WWOX: variants seen among roughly 807,000 people sequenced by gnomAD.
WWOX encodes the protein WW domain-containing oxidoreductase.
Under a neutral mutation model 46.2 loss-of-function variants are expected in WWOX, and 69 were observed. The observed-to-expected ratio is 1.49, with a 90% CI of 1.23 to 1.82. The LOEUF (loss-of-function observed/expected upper bound fraction) is 1.82, where lower values mean the gene tolerates loss of function less well. Ranked by LOEUF, WWOX falls within the 40% of genes most tolerant of loss-of-function variation. The probability of loss-of-function intolerance (pLI) is 0.00; values close to 1 mark genes in which losing one functional copy is unlikely to be tolerated. For synonymous variants in WWOX, 359 were observed against 202.6 expected (o/e 1.77, Z -6.56); for missense variants, 919 against 542.6 (o/e 1.69, Z -6.89).
rs148826160 is a variant in WWOX at position 78,541,082 on chromosome 16, C to T, written c.1056+108330C>T. Among the ~76,000 whole-genome samples the T allele has an allele frequency of 5.9e-4, 90 of 152,184 alleles. 1 individual carries two copies. The East Asian group carries it at 0.016, about 28-fold the overall frequency. On this transcript the variant is annotated intron_variant, in intron 8 of 8. Transcript: ENST00000566780. ...TTTTTAAAAGGCTTTTGAGAATATTCGGAGAACCTAATATATTTTGAGACC... is the reference window on the plus strand; with the variant it reads ...TTTTTAAAAGGCTTTTGAGAATATTTGGAGAACCTAATATATTTTGAGACC...
In WWOX at chr16:78,700,722, G is replaced by C. The variant is rs185561195; in HGVS notation, c.1056+267970G>C. Among the ~76,000 whole-genome samples, 869 of 152,238 alleles carry C rather than the reference G, an allele frequency of 5.7e-3. 4 individuals are homozygous for C. The highest frequency in any genetic ancestry group is 0.01 in the Non-Finnish European group (695 of 68,006). On this transcript the variant is annotated intron_variant, in intron 8 of 8. Transcript: ENST00000566780. The stretch of plus-strand genomic sequence containing the variant: ...GAGCCTGTGGCCACCTCATAGTCTT[G>C]TTGGCCACAGCCTCTAGAACCAGGG...
chr16:78,997,401 G>T (rs910956316), intron 8 of WWOX, among the ~76,000 whole-genome samples: 1 of 152,092 alleles, frequency 6.6e-6, no homozygotes, highest in Non-Finnish European at 1.5e-5. Flanking sequence ...ACGGTGACAC[G>T]CAAAAGAATT....
chr16:78,181,957 C>G (rs545978506), intron 5 of WWOX, among the ~76,000 whole-genome samples: 1 of 152,110 alleles, frequency 6.6e-6, no homozygotes, highest in South Asian at 2.1e-4. Flanking sequence ...TTAGCCTCCG[C>G]GAGTTCCTTT....
At chr16:78,847,531 G>C (rs1039034775) in intron 8 of WWOX, among the ~76,000 whole-genome samples, 1 of 151,886 alleles carries the variant, frequency 6.6e-6, no homozygotes, top group African/African-American at 2.4e-5. Flanking sequence ...GCAGGGTCTT[G>C]CTATGTTGCC....
intron 8 of WWOX, among the ~76,000 whole-genome samples, chr16:79,129,902 G>C (rs1178551461): frequency 6.6e-6 from 1 of 152,120 alleles, no homozygotes; most frequent in African/African-American, 2.4e-5. Context: ...TGTAAGCGTC[G>C]CTGTTCACTG....
chr16:78,984,964 T>G (rs1314870763), intron 8 of WWOX, among the ~76,000 whole-genome samples: 1 of 152,052 alleles, frequency 6.6e-6, no homozygotes, highest in African/African-American at 2.4e-5. Context: ...TAAGAGGATA[T>G]GGACAGATAC....
intron 8 of WWOX, among the ~76,000 whole-genome samples, chr16:79,164,482 AGGGATGGG>A (rs145209531): frequency 0.026 from 4,008 of 152,138 alleles, 202 homozygotes; most frequent in African/African-American, 0.092. Flanking sequence ...TCATTCAGGC[AGGGATGGG>A]GGGATGGGGG....
In WWOX at chr16:78,904,240, T is replaced by C. The variant is rs1017186751; in HGVS notation, c.1057-307368T>C. On this transcript the variant is annotated intron_variant, in intron 8 of 8. Transcript: ENST00000566780. ...TAGATGATCTTATAAATGCCTTTTTTTTTTTTTTTTTTTTTTTTAGTCGGA... is the reference window on the plus strand; with the variant it reads ...TAGATGATCTTATAAATGCCTTTTTCTTTTTTTTTTTTTTTTTTAGTCGGA... 5.5e-5 allele frequency among the ~76,000 whole-genome samples: 8 copies of C among 144,464 alleles called. No individual in the cohort carries two copies. The East Asian group carries it at 1.6e-3, about 29-fold the overall frequency. 94.8% of individuals were successfully genotyped at this position (144,464 alleles called of 152,430 possible).
chr16:78,802,915 GA>G (rs71376394), intron 8 of WWOX, among the ~76,000 whole-genome samples: 16 of 10,450 alleles, frequency 1.5e-3, no homozygotes, highest in East Asian at 0.01. Context: ...GACTTCATCT[GA>G]AAAAAAAAAA....
chr16:78,795,217 A>C lies in WWOX; in HGVS notation c.1056+362465A>C, dbSNP rs144502656. Among the ~76,000 whole-genome samples, 1,418 of 152,304 alleles carry C rather than the reference A, an allele frequency of 9.3e-3. 9 individuals carry two copies. Among genetic ancestry groups the C allele is most frequent in the South Asian group, 0.018 (88 of 4,820 alleles). On this transcript the variant is annotated intron_variant, in intron 8 of 8. Coordinates refer to ENST00000566780, the MANE Select transcript of WWOX (RefSeq NM_016373.4). ...CTAAGTGCTTTGCGGGCATTATGTT[A>C]TTCACACTTCACAGATATTCTCTTT...
chr16:78,499,016 G>A (rs150245998), intron 8 of WWOX, among the ~76,000 whole-genome samples: 4 of 152,312 alleles, frequency 2.6e-5, no homozygotes, highest in East Asian at 3.9e-4. Context: ...AGTACACGAG[G>A]TTTCTTAATA....
intron 8 of WWOX, among the ~76,000 whole-genome samples, chr16:78,986,705 C>A (rs1306960019): frequency 6.6e-6 from 1 of 152,108 alleles, no homozygotes; most frequent in African/African-American, 2.4e-5. Context: ...AGGCTGTTAC[C>A]AATTGACCAG....
chr16:78,332,544 C>T (rs1597494538), intron 5 of WWOX, among the ~76,000 whole-genome samples: 1 of 152,142 alleles, frequency 6.6e-6, no homozygotes, highest in African/African-American at 2.4e-5. Flanking sequence ...TCCATTTGCT[C>T]AAGAACAAAC....
At chr16:78,715,696 C>G (rs565318491) in intron 8 of WWOX, among the ~76,000 whole-genome samples, 3 of 152,218 alleles carry the variant, frequency 2.0e-5, no homozygotes, top group Non-Finnish European at 2.9e-5. Context: ...AGGCTGGTCT[C>G]GAACTCCTGA....
At chr16:78,483,443 A>G (rs1353192996) in intron 8 of WWOX, among the ~76,000 whole-genome samples, 1 of 95,352 alleles carries the variant, frequency 1.0e-5, no homozygotes, top group Non-Finnish European at 2.1e-5. Context: ...TTTTTTTGGT[A>G]GTTTCTTAAT....
intron 8 of WWOX, among the ~76,000 whole-genome samples, chr16:78,792,352 C>T (rs1027733903): frequency 1.3e-5 from 2 of 152,092 alleles, no homozygotes; most frequent in Non-Finnish European, 2.9e-5. Context: ...GTATCCTTTT[C>T]ATGGTTAAAG....
chr16:79,160,650 C>G (rs1238571251), intron 8 of WWOX, among the ~76,000 whole-genome samples: 1 of 152,068 alleles, frequency 6.6e-6, no homozygotes, highest in African/African-American at 2.4e-5. Context: ...AGATCTGCAG[C>G]CCACACTCGG....
rs114757033 is a variant in WWOX, at chr16:78,164,127, A to T, written c.410-56A>T. 3.2e-3 allele frequency: 4,780 copies of T among 1,515,672 alleles called. 148 individuals are homozygous for T. In the African/African-American group the frequency reaches 0.06, roughly 19 times the overall value. The allele number at this position is 1,515,672 out of a possible 1,614,324, so 93.9% of individuals were successfully genotyped here. On this transcript the variant is annotated intron_variant, in intron 4 of 8. Coordinates refer to ENST00000566780, the MANE Select transcript of WWOX (RefSeq NM_016373.4). ...GGTGCTCCGGTAAAGGCCATTCAAC[A>T]TGACTCACTGTGTTGATGTTATGTT...
intron 8 of WWOX, among the ~76,000 whole-genome samples, chr16:78,669,585 C>A (rs142099460): frequency 1.2e-3 from 177 of 152,304 alleles, no homozygotes; most frequent in African/African-American, 4.1e-3. Flanking sequence ...GGTTGAGAAA[C>A]GTGACCTAGC....
Sources: allele counts gnomAD v4.1 joint callset (sites outside exome capture counted in the v4.1 genomes callset), GRCh38; gene constraint gnomAD v4.1.1; transcripts MANE v1.5; gene names NCBI Gene and HGNC (gene_info 2026-07-23, HGNC 2026-07-21).